The following CACNB2 variants were observed in gnomAD, a reference collection of about 807,000 sequenced individuals.
The protein encoded by CACNB2 is voltage-dependent L-type calcium channel subunit beta-2.
In CACNB2, 42 loss-of-function variants were observed where a neutral mutation model predicts 73.3. That is an observed-to-expected ratio of 0.57 (90% CI 0.45 to 0.74). The LOEUF is 0.74. Ranked by LOEUF, CACNB2 falls within the 30% of genes least tolerant of loss-of-function variation. CACNB2 has a pLI of 0.00. For missense variants in CACNB2, 940 were observed against 853.0 expected, an observed-to-expected ratio of 1.10 and a Z score of -1.27; for synonymous variants, 348 against 310.3, an observed-to-expected ratio of 1.12 and a Z score of -1.28.
chr10:18,514,484 A>AT, intron 7 of CACNB2, 115 bp downstream of exon 7: 1 of 1,614,000 alleles, frequency 6.2e-7, no homozygotes, highest in Non-Finnish European at 8.5e-7. Flanking sequence ...ATGCTCTGTT[A>AT]TTTGTTTCTT....
intron 2 of CACNB2, among the ~76,000 whole-genome samples, chr10:18,315,310 G>A (rs1198587671): frequency 1.3e-5 from 2 of 149,596 alleles, no homozygotes; most frequent in Non-Finnish European, 3.0e-5. Flanking sequence ...CTCCAGCCTG[G>A]GCAACAGAGC....
intron 9 of CACNB2, among the ~76,000 whole-genome samples, chr10:18,522,286 G>A (rs1270606083): frequency 2.0e-5 from 3 of 151,918 alleles, no homozygotes; most frequent in African/African-American, 7.3e-5. Context: ...AATAATAATA[G>A]AAAGAAAGTA....
rs185061612 is a variant in CACNB2 at position 18,204,451 on chromosome 10, G to A, written c.213+53476G>A. Among the ~76,000 whole-genome samples, 254 of 152,286 alleles carry A rather than the reference G, an allele frequency of 1.7e-3. 2 individuals carry two copies. The highest frequency in any genetic ancestry group is 5.8e-3 in the African/African-American group (241 of 41,570). On this transcript the variant is annotated intron_variant, in intron 2 of 13. Transcript: ENST00000324631. The stretch of plus-strand genomic sequence containing the variant: ...TAACCAGGCTATTTGAAATATCAGT[G>A]GGATAAGGAAATCTTGCTCTAATTG...
chr10:18,255,855 C>T (rs1029768388), intron 2 of CACNB2, among the ~76,000 whole-genome samples: 2 of 152,182 alleles, frequency 1.3e-5, no homozygotes, highest in African/African-American at 4.8e-5. Flanking sequence ...TGACAAAAAA[C>T]CTTCAGTTCT....
intron 3 of CACNB2, among the ~76,000 whole-genome samples, chr10:18,457,841 G>A (rs2047363132): frequency 6.6e-6 from 1 of 151,900 alleles, no homozygotes; most frequent in Non-Finnish European, 1.5e-5. Flanking sequence ...GGTGAGCCAA[G>A]ATTGCACCAT....
At chr10:18,337,174 G>A (rs976842625) in intron 2 of CACNB2, among the ~76,000 whole-genome samples, 3 of 151,786 alleles carry the variant, frequency 2.0e-5, no homozygotes, top group African/African-American at 7.3e-5. Context: ...TTGTTGCCCA[G>A]ACTGGTGTGT....
chr10:18,443,272 C>A (rs933601732), intron 3 of CACNB2, among the ~76,000 whole-genome samples: 1 of 151,678 alleles, frequency 6.6e-6, no homozygotes, highest in Non-Finnish European at 1.5e-5. Flanking sequence ...TGAGAAACAC[C>A]CTAGTGTCCT....
chr10:18,539,329 C>A lies in CACNB2; in HGVS notation c.1588C>A (p.His530Asn). 6.2e-7 allele frequency: 1 copy of A among 1,614,106 alleles called. No individual in the cohort carries two copies. Among genetic ancestry groups the A allele is most frequent in the Non-Finnish European group, 8.5e-7 (1 of 1,180,014 alleles). Reference protein sequence around the residue: ...PSVEPVKKSQHRSSSSAPHHN... With the variant: ...PSVEPVKKSQNRSSSSAPHHN... ...TGTGGAACCAGTCAAGAAATCCCAG[C>A]ACCGCTCTTCCTCCTCAGCCCCACA... Residue 530 changes from histidine to asparagine, a missense_variant, in exon 14 of 14, where the codon CAC becomes AAC. Transcript: ENST00000324631.
At chr10:18,227,425 G>A (rs2036037424) in intron 2 of CACNB2, among the ~76,000 whole-genome samples, 1 of 152,126 alleles carries the variant, frequency 6.6e-6, no homozygotes, top group Admixed American at 6.5e-5. Flanking sequence ...AAATACCCCA[G>A]CTCGGAATGA....
chr10:18,505,213 G>A (rs1250473066), intron 5 of CACNB2, among the ~76,000 whole-genome samples: 2 of 146,166 alleles, frequency 1.4e-5, no homozygotes, highest in African/African-American at 5.1e-5. Context: ...TAAAACCCAT[G>A]AACTTAAACT....
At chr10:18,255,231 C>T (rs1051814245) in intron 2 of CACNB2, among the ~76,000 whole-genome samples, 1 of 152,142 alleles carries the variant, frequency 6.6e-6, no homozygotes, top group African/African-American at 2.4e-5. Flanking sequence ...TCTCTAACCT[C>T]ATCTTCTCCT....
chr10:18,190,554 C>T (rs1158503691), intron 2 of CACNB2, among the ~76,000 whole-genome samples: 1 of 152,096 alleles, frequency 6.6e-6, no homozygotes, highest in Non-Finnish European at 1.5e-5. Flanking sequence ...TGAGTAATTC[C>T]TATTCATTGA....
chr10:18,243,081 T>C (rs991759603), intron 2 of CACNB2, among the ~76,000 whole-genome samples: 10 of 152,070 alleles, frequency 6.6e-5, no homozygotes, highest in Admixed American at 6.6e-4. Flanking sequence ...TAAATTTTAT[T>C]TGATACTTTC....
At chr10:18,249,582 A>G (rs909437533) in intron 2 of CACNB2, among the ~76,000 whole-genome samples, 6 of 152,150 alleles carry the variant, frequency 3.9e-5, no homozygotes, top group African/African-American at 7.2e-5. Flanking sequence ...TGCTATCATC[A>G]GTGGCCTCTA....
At chr10:18,504,829 G>C (rs752868432) in intron 5 of CACNB2, among the ~76,000 whole-genome samples, 74 of 152,146 alleles carry the variant, frequency 4.9e-4, no homozygotes, top group Non-Finnish European at 9.1e-4. Flanking sequence ...ATTTTTAGTA[G>C]AGACAGGGTT....
At chr10:18,282,895 G>C (rs2038614960) in intron 2 of CACNB2, among the ~76,000 whole-genome samples, 1 of 152,036 alleles carries the variant, frequency 6.6e-6, no homozygotes, top group Non-Finnish European at 1.5e-5. Flanking sequence ...CTACAGAATG[G>C]GAGAAAATGT....
At chr10:18,404,083 C>T (rs1234593187) in intron 3 of CACNB2, among the ~76,000 whole-genome samples, 1 of 152,032 alleles carries the variant, frequency 6.6e-6, no homozygotes, top group African/African-American at 2.4e-5. Flanking sequence ...CAAACCATCC[C>T]ATGTACCTCA....
chr10:18,229,926 G>A (rs1468855038), intron 2 of CACNB2, among the ~76,000 whole-genome samples: 2 of 152,060 alleles, frequency 1.3e-5, no homozygotes, highest in Non-Finnish European at 2.9e-5. Flanking sequence ...CTTTAGTATC[G>A]AAACTCGACA....
intron 2 of CACNB2, among the ~76,000 whole-genome samples, chr10:18,220,201 GTATA>G (rs773942256): frequency 0.041 from 962 of 23,202 alleles, 47 homozygotes; most frequent in African/African-American, 0.044. Context: ...ATATGTGTGT[GTATA>G]TATATATATA....
Sources: allele counts gnomAD v4.1 joint callset (sites outside exome capture counted in the v4.1 genomes callset), GRCh38; gene constraint gnomAD v4.1.1; transcripts MANE v1.5; gene names NCBI Gene and HGNC (gene_info 2026-07-23, HGNC 2026-07-21).